CEACAM18: variants seen among roughly 807,000 people sequenced by gnomAD.
The protein encoded by CEACAM18 is cell adhesion molecule CEACAM18.
CEACAM18 carries 33 observed loss-of-function variants against 34.3 expected under a neutral mutation model. The ratio of observed to expected loss-of-function variants is 0.96; its 90% CI spans 0.73 to 1.29. CEACAM18 has a LOEUF of 1.29. Among genes scored for constraint, CEACAM18 ranks in the 50% most tolerant of loss-of-function variants. CEACAM18 has a pLI of 0.00. For synonymous variants in CEACAM18, 169 were observed against 180.9 expected (o/e 0.93, Z 0.53); for missense variants, 474 against 485.0 (o/e 0.98, Z 0.21).
At chr19:51,478,929 G>C (rs1989858787) in intron 1 of CEACAM18, among the ~76,000 whole-genome samples, 1 of 136,958 alleles carries the variant, frequency 7.3e-6, no homozygotes, top group Non-Finnish European at 1.6e-5. Flanking sequence ...CACATGTGGT[G>C]TTACACACAC....
chr19:51,490,283 G>T (rs1042318252), intron 5 of CEACAM18, among the ~76,000 whole-genome samples: 9 of 152,178 alleles, frequency 5.9e-5, no homozygotes, highest in African/African-American at 1.7e-4. Context: ...CTCCATCATT[G>T]TTGTGATCCC....
intron 5 of CEACAM18, among the ~76,000 whole-genome samples, chr19:51,486,750 C>T (rs1171829161): frequency 1.4e-5 from 2 of 143,786 alleles, no homozygotes; most frequent in African/African-American, 2.6e-5. Flanking sequence ...TGGAGTCTCT[C>T]TCTGTTGCCC....
At chr19:51,484,337 A>C (rs1989966018) in intron 4 of CEACAM18, among the ~76,000 whole-genome samples, 1 of 149,432 alleles carries the variant, frequency 6.7e-6, no homozygotes, top group Non-Finnish European at 1.5e-5. Context: ...TTTTTTTAAC[A>C]GAGTCTCGCT....
At chr19:51,482,914 C>T in intron 3 of CEACAM18, 103 bp from the exon 4 acceptor site, 1 of 1,407,466 alleles carries the variant, frequency 7.1e-7, no homozygotes, top group East Asian at 2.3e-5. Context: ...AGGGGTTAGC[C>T]CGAGGTGCAC....
chr19:51,485,291 G>A (rs1989980481), intron 5 of CEACAM18, among the ~76,000 whole-genome samples, 169 bp downstream of exon 5: 1 of 152,208 alleles, frequency 6.6e-6, no homozygotes, highest in South Asian at 2.1e-4. Context: ...ACCTGAAGCT[G>A]ATGGGAGCAA....
At chr19:51,489,346 C>A (rs1303915348) in intron 5 of CEACAM18, among the ~76,000 whole-genome samples, 1 of 151,642 alleles carries the variant, frequency 6.6e-6, no homozygotes, top group Non-Finnish European at 1.5e-5. Flanking sequence ...AATATCACAG[C>A]TACCACGATC....
exon 2 of CEACAM18, chr19:51,480,402 A>C (rs377634205): frequency 2.0e-5 from 33 of 1,613,000 alleles, no homozygotes; most frequent in Non-Finnish European, 2.8e-5. Flanking sequence ...CTGGGGATCA[A>C]GGGATATCGG....
upstream of CEACAM18, chr19:51,478,620 T>C (rs375100911): frequency 2.1e-5 from 33 of 1,574,320 alleles, no homozygotes; most frequent in Non-Finnish European, 2.8e-5. Flanking sequence ...GGACCCCTCC[T>C]CCTGGAGGAC....
In CEACAM18 at chr19:51,490,006, G is replaced by A. The variant is rs144417535; in HGVS notation, c.1090-581G>A. On this transcript the variant is annotated intron_variant, in intron 5 of 5. Transcript: ENST00000396477. ...CCACTGTCCCATTCCTTTCAAAGGCGCCATGTTCTCTATGGTCTGGGGCCT... is the reference window on the plus strand; with the variant it reads ...CCACTGTCCCATTCCTTTCAAAGGCACCATGTTCTCTATGGTCTGGGGCCT... 2.6e-3 allele frequency among the ~76,000 whole-genome samples: 398 copies of A among 152,254 alleles called. 2 individuals carry two copies. Among genetic ancestry groups the A allele is most frequent in the African/African-American group, 7.1e-3 (293 of 41,544 alleles).
intron 3 of CEACAM18, 40 bp from the exon 4 acceptor site, chr19:51,482,977 G>A (rs1344418589): frequency 1.2e-6 from 2 of 1,602,640 alleles, no homozygotes; most frequent in Non-Finnish European, 1.7e-6. Context: ...ACGCCGAGGG[G>A]TCAGAAACAT....
exon 4 of CEACAM18, chr19:51,483,202 G>C (rs915410684): frequency 1.2e-6 from 2 of 1,613,876 alleles, no homozygotes; most frequent in African/African-American, 2.7e-5. Context: ...CTCGAGTCTT[G>C]CCTGGGAGCA....
chr19:51,490,661 T>C, exon 6 of CEACAM18: 3 of 1,227,432 alleles, frequency 2.4e-6, no homozygotes, highest in Non-Finnish European at 3.0e-6. Context: ...GAGGAGAGGG[T>C]GATGGAGAAG....
chr19:51,490,789 TAGGAGGTCTGC>T (rs1990078265), exon 6 of CEACAM18: 4 of 437,196 alleles, frequency 9.1e-6, no homozygotes, highest in Non-Finnish European at 1.5e-5. Flanking sequence ...GAGGCTCCAG[TAGGAGGTCTGC>T]AGACCCCACC....
At chr19:51,479,441 C>T (rs1484666118) in intron 1 of CEACAM18, among the ~76,000 whole-genome samples, 3 of 152,228 alleles carry the variant, frequency 2.0e-5, no homozygotes, top group Non-Finnish European at 4.4e-5. Flanking sequence ...CTGAACTCCC[C>T]CTGTGTCCAG....
intron 5 of CEACAM18, among the ~76,000 whole-genome samples, chr19:51,487,304 A>T (rs1013860946): frequency 1.3e-5 from 2 of 151,730 alleles, no homozygotes; most frequent in Non-Finnish European, 2.9e-5. Context: ...GTGAAACCTC[A>T]TCTCTACAAA....
chr19:51,490,780 A>G (rs550795399), exon 6 of CEACAM18: 60 of 449,830 alleles, frequency 1.3e-4, no homozygotes, highest in Non-Finnish European at 2.1e-4. Flanking sequence ...CTGGAGATGG[A>G]GGCTCCAGTA....
At chr19:51,488,707 C>T (rs1313044707) in intron 5 of CEACAM18, among the ~76,000 whole-genome samples, 1 of 151,738 alleles carries the variant, frequency 6.6e-6, no homozygotes, top group Admixed American at 6.6e-5. Context: ...GAACCACATT[C>T]TTCACAAGGG....
chr19:51,482,711 A>G (rs568467503), intron 3 of CEACAM18, among the ~76,000 whole-genome samples: 3 of 152,362 alleles, frequency 2.0e-5, no homozygotes, highest in Non-Finnish European at 4.4e-5. Flanking sequence ...TGGGAATTCA[A>G]CAAATGTGGG....
At chr19:51,489,824 A>T (rs2122196072) in intron 5 of CEACAM18, among the ~76,000 whole-genome samples, 1 of 152,340 alleles carries the variant, frequency 6.6e-6, no homozygotes, top group South Asian at 2.1e-4. Flanking sequence ...AAAATCTCAG[A>T]TATTATTATT....
Sources: allele counts gnomAD v4.1 joint callset (sites outside exome capture counted in the v4.1 genomes callset), GRCh38; gene constraint gnomAD v4.1.1; transcripts MANE v1.5; gene names NCBI Gene and HGNC (gene_info 2026-07-23, HGNC 2026-07-21).